Variants in ZNF286A observed in about 807,000 individuals in gnomAD.
ZNF286A encodes the protein zinc finger protein ZNF286.
In ZNF286A, 34 loss-of-function variants were observed where a neutral mutation model predicts 49.3. That is an observed-to-expected ratio of 0.69 (90% CI 0.52 to 0.92). The LOEUF is 0.92. ZNF286A is among the 40% of genes least tolerant of loss of function. The pLI is 0.00. For missense variants in ZNF286A, 462 were observed against 600.2 expected (o/e 0.77, Z 2.41); for synonymous variants, 155 against 200.4 (o/e 0.77, Z 1.91).
chr17:15,710,256 G>C (rs1241274545), intron 5 of ZNF286A, among the ~76,000 whole-genome samples: 2 of 151,788 alleles, frequency 1.3e-5, no homozygotes, highest in African/African-American at 2.4e-5. Context: ...TGGTGTGTTA[G>C]GCATATAGAA....
Position 15,716,606 on chromosome 17 carries a change from T to C in ZNF286A, c.882T>C (p.Thr294=). ...TAACTAAACACCAGAGAACTCATACTAGAATTCTCTTTGAATGCAGTGAAT... is the reference window on the plus strand; with the variant it reads ...TAACTAAACACCAGAGAACTCATACCAGAATTCTCTTTGAATGCAGTGAAT... The part of the protein sequence containing the change: ...ANLTKHQRTH[T]RILFECSECK... The change falls in exon 6 of 6, where the codon ACT becomes ACC. Residue 294 remains threonine (T), a synonymous_variant. Coordinates refer to ENST00000583566, the MANE Select transcript of ZNF286A (RefSeq NM_001130842.2). The C allele has an allele frequency of 2.5e-6, 4 of 1,614,124 alleles. No individual in the cohort carries two copies. Among genetic ancestry groups the C allele is most frequent in the Non-Finnish European group, 3.4e-6 (4 of 1,180,010 alleles).
At chr17:15,704,817 G>C in intron 3 of ZNF286A, 2 of 1,613,756 alleles carry the variant, frequency 1.2e-6, no homozygotes, top group Non-Finnish European at 1.7e-6. Context: ...TGATGCCATC[G>C]GGTGGGTCTG....
In ZNF286A at chr17:15,716,686, T is replaced by A; in HGVS notation, c.962T>A (p.Val321Asp). ...CTTGCAACACATCAGAGAATTCACGTTGGAGAGAGACCTTATGAATGCAAT... is the reference window on the plus strand; with the variant it reads ...CTTGCAACACATCAGAGAATTCACGATGGAGAGAGACCTTATGAATGCAAT... Reference protein sequence around the residue: ...SSLATHQRIHVGERPYECNEC... With the variant: ...SSLATHQRIHDGERPYECNEC... The change falls in exon 6 of 6, where the codon GTT becomes GAT. Residue 321 changes from valine to aspartate, a missense_variant. By Grantham distance (152) the Val-to-Asp change is radical. Transcript: ENST00000583566. 6.2e-7 allele frequency: 1 copy of A among 1,613,952 alleles called. No individual in the cohort carries two copies. The highest frequency in any genetic ancestry group is 8.5e-7 in the Non-Finnish European group (1 of 1,179,898).
intron 3 of ZNF286A, among the ~76,000 whole-genome samples, chr17:15,701,645 A>G (rs1257180551): frequency 6.6e-6 from 1 of 152,262 alleles, no homozygotes; most frequent in African/African-American, 2.4e-5. Flanking sequence ...AAGTGATTGT[A>G]AAAATAATAA....
chr17:15,704,066 ATTT>A (rs201458335), intron 3 of ZNF286A, among the ~76,000 whole-genome samples: 4 of 144,116 alleles, frequency 2.8e-5, no homozygotes, highest in Non-Finnish European at 6.1e-5. Context: ...TATTATTATT[ATTT>A]TTTTTTTTTT....
chr17:15,702,655 A>G (rs1989875453), intron 3 of ZNF286A, among the ~76,000 whole-genome samples: 1 of 152,250 alleles, frequency 6.6e-6, no homozygotes, highest in Admixed American at 6.5e-5. Context: ...GCACGTTCAT[A>G]GTGTTTGTAA....
intron 5 of ZNF286A, among the ~76,000 whole-genome samples, chr17:15,713,588 A>G (rs1169688382): frequency 1.3e-5 from 2 of 151,944 alleles, no homozygotes; most frequent in Non-Finnish European, 2.9e-5. Flanking sequence ...AAGATTAGGT[A>G]CAATGTAGAA....
rs747400212 is a variant in ZNF286A at position 15,716,178 on chromosome 17, T to A, written c.454T>A (p.Leu152Met). ...ACGGAATAGTGTCTATGACTCTAAC[T>A]TGGAAGCAGCCCTTGAATGTGAAAA... ...LTRNSVYDSN[L>M]EAALECENWL... The change falls in exon 6 of 6, where the codon TTG becomes ATG. Residue 152 changes from leucine (L) to methionine (M), a missense_variant. Coordinates refer to ENST00000583566, the MANE Select transcript of ZNF286A (RefSeq NM_001130842.2). The A allele has an allele frequency of 6.2e-7, 1 of 1,613,868 alleles. No homozygotes were observed. The highest frequency in any genetic ancestry group is 8.5e-7 in the Non-Finnish European group (1 of 1,179,824).
chr17:15,707,755 C>CG (rs1990344664), intron 4 of ZNF286A, among the ~76,000 whole-genome samples: 1 of 152,206 alleles, frequency 6.6e-6, no homozygotes, highest in Non-Finnish European at 1.5e-5. Flanking sequence ...TCCACCCTCC[C>CG]TTACTTCAGC....
chr17:15,716,420 A>AAAGC lies in ZNF286A; in HGVS notation c.698_701dup (p.Arg235AlafsTer5), dbSNP rs762540357. On this transcript the variant is annotated frameshift_variant, in exon 6 of 6. Coordinates refer to ENST00000583566, the MANE Select transcript of ZNF286A (RefSeq NM_001130842.2). LOFTEE classifies it high-confidence loss of function. ...TGAAACAAAAATCAAACTTAATGAA[A>AAAGC]AAGCAGAGAACTTATAAAGAGAAAA... 1.2e-6 allele frequency: 2 copies of AAAGC among 1,613,182 alleles called. No homozygotes were observed. Among genetic ancestry groups the AAAGC allele is most frequent in the African/African-American group, 2.7e-5 (2 of 74,782 alleles).
At position 15,708,144 on chromosome 17, in the gene ZNF286A, T is replaced by C. The variant is rs763812381; in HGVS notation, c.242-11T>C. 19 of 1,527,628 alleles carry C rather than the reference T, an allele frequency of 1.2e-5. No individual in the cohort carries two copies. The Middle Eastern group carries it at 5.3e-4, about 43-fold the overall frequency. 94.6% of individuals were successfully genotyped at this position (1,527,628 alleles called of 1,614,324 possible). On this transcript the variant is annotated splice_polypyrimidine_tract_variant and intron_variant, in intron 4 of 5. Transcript: ENST00000583566. ...TCTTCTTTCTGTCTTTTTCTTTTTT[T>C]AAATGAATAGGGCTTCCAGTTTCCA...
chr17:15,717,492 A>G lies in ZNF286A; in HGVS notation c.*202A>G. ...TGATAATTATGAAATCTAGCCAGCG[A>G]TTTCAAAATTTTAATCTCCAACGTC... On this transcript the variant is annotated 3_prime_UTR_variant, in exon 6 of 6. Coordinates refer to ENST00000583566, the MANE Select transcript of ZNF286A (RefSeq NM_001130842.2). 1.0e-6 allele frequency: 1 copy of G among 954,546 alleles called. No individual in the cohort carries two copies. Among genetic ancestry groups the G allele is most frequent in the South Asian group, 2.3e-5 (1 of 44,342 alleles). The allele number at this position is 954,546 out of a possible 1,614,324, so 59.1% of individuals were successfully genotyped here.
rs1179322267 is a variant in ZNF286A, at chr17:15,719,161, A to G, written c.*1871A>G. On this transcript the variant is annotated 3_prime_UTR_variant, in exon 6 of 6. Transcript: ENST00000583566. ...CTCAAAAAAAAAAAAAAAAAGAAAG[A>G]AAAGAAAACACAGGAAAAGGAACTC... The G allele has an allele frequency of 7.8e-6, 1 of 128,266 alleles. No individual in the cohort carries two copies. The highest frequency in any genetic ancestry group is 1.7e-5 in the Non-Finnish European group (1 of 58,360). 7.9% of individuals were successfully genotyped at this position (128,266 alleles called of 1,614,324 possible).
intron 5 of ZNF286A, among the ~76,000 whole-genome samples, chr17:15,712,643 T>G (rs558991342): frequency 6.6e-6 from 1 of 152,330 alleles, no homozygotes; most frequent in African/African-American, 2.4e-5. Context: ...ATATTCTAAG[T>G]ATTTCTTCAC....
chr17:15,715,084 G>T (rs1231671227), intron 5 of ZNF286A, among the ~76,000 whole-genome samples: 1 of 151,764 alleles, frequency 6.6e-6, no homozygotes, highest in Non-Finnish European at 1.5e-5. Flanking sequence ...CTTTATATTG[G>T]ATATAAAAAT....
intron 5 of ZNF286A, chr17:15,709,717 CTA>C: frequency 4.7e-6 from 5 of 1,069,550 alleles, no homozygotes; most frequent in South Asian, 2.1e-5. Context: ...CGATATTAAT[CTA>C]TGTTAATATA....
chr17:15,716,482 C>G lies in ZNF286A; in HGVS notation c.758C>G (p.Thr253Ser). 1 of 1,614,048 alleles carries G rather than the reference C, an allele frequency of 6.2e-7. No homozygotes were observed. Among genetic ancestry groups the G allele is most frequent in the Non-Finnish European group, 8.5e-7 (1 of 1,179,982 alleles). The change falls in exon 6 of 6, where the codon ACC (threonine) becomes AGC (serine). Residue 253 changes from threonine to serine, a missense_variant. Physicochemically the swap from Thr to Ser is moderately conservative, Grantham distance 58. Coordinates refer to ENST00000583566, the MANE Select transcript of ZNF286A (RefSeq NM_001130842.2). ...TGTAATGATTGTGGTGAACTCTTCA[C>G]CTACCATTCAGTGCTTATTCGACAC... ...HKCNDCGELF[T>S]YHSVLIRHQR...
chr17:15,716,933 T>G lies in ZNF286A; in HGVS notation c.1209T>G (p.Val403=). The part of the protein sequence containing the change: ...HCSSLTKHQR[V]HTGEKPYECS... The stretch of plus-strand genomic sequence containing the variant: ...CATCCCTAACTAAGCATCAGAGAGT[T>G]CATACTGGAGAAAAGCCATATGAAT... The change falls in exon 6 of 6, where the codon GTT becomes GTG. Residue 403 remains valine, a synonymous_variant. Transcript: ENST00000583566. 1 of 1,611,122 alleles carries G rather than the reference T, an allele frequency of 6.2e-7. No homozygotes were observed. The highest frequency in any genetic ancestry group is 8.5e-7 in the Non-Finnish European group (1 of 1,178,046).
intron 5 of ZNF286A, chr17:15,710,049 G>A: frequency 1.5e-6 from 1 of 646,832 alleles, no homozygotes; most frequent in Non-Finnish European, 2.6e-6. Context: ...AGCATTTCAT[G>A]TTACTTGGCT....
Sources: allele counts gnomAD v4.1 joint callset (sites outside exome capture counted in the v4.1 genomes callset), GRCh38; gene constraint gnomAD v4.1.1; transcripts MANE v1.5; gene names NCBI Gene and HGNC (gene_info 2026-07-23, HGNC 2026-07-21).